PRDM16: variants seen among roughly 807,000 people sequenced by gnomAD.
The protein encoded by PRDM16 is histone-lysine N-methyltransferase PRDM16.
Under a neutral mutation model 110.6 loss-of-function variants are expected in PRDM16, and 23 were observed. The observed-to-expected ratio is 0.21, with a 90% CI of 0.15 to 0.29. The LOEUF (loss-of-function observed/expected upper bound fraction) is 0.29, where lower values mean the gene tolerates loss of function less well. Ranked by LOEUF, PRDM16 falls within the 10% of genes least tolerant of loss-of-function variation. The probability of loss-of-function intolerance (pLI) is 1.00; values close to 1 mark genes in which losing one functional copy is unlikely to be tolerated. For missense variants in PRDM16, 1,615 were observed against 1,794.3 expected (o/e 0.90, Z 1.81); for synonymous variants, 799 against 781.8 (o/e 1.02, Z -0.37).
intron 3 of PRDM16, among the ~76,000 whole-genome samples, chr1:3,368,772 G>A (rs1276514480): frequency 6.6e-6 from 1 of 152,130 alleles, no homozygotes; most frequent in Non-Finnish European, 1.5e-5. Flanking sequence ...AGTCATCTCT[G>A]CAGCTCCCTC....
At position 3,246,408 on chromosome 1, in the gene PRDM16, G is replaced by A. The variant is rs563005214; in HGVS notation, c.438+2271G>A. On this transcript the variant is annotated intron_variant, in intron 3 of 16. Transcript: ENST00000270722. This position sits in a 1 kb window ranked among gnomAD's most constrained non-coding sequence, Gnocchi z 5.2. ...CATCCCACGGAATCAGAGCAGACCCGATGCACGAGACCCCCCACGGCACCG... is the reference window on the plus strand; with the variant it reads ...CATCCCACGGAATCAGAGCAGACCCAATGCACGAGACCCCCCACGGCACCG... Among the ~76,000 whole-genome samples the A allele has an allele frequency of 4.6e-5, 7 of 152,196 alleles. No individual in the cohort carries two copies. Among genetic ancestry groups the A allele is most frequent in the African/African-American group, 7.2e-5 (3 of 41,460 alleles).
At chr1:3,405,726 C>T in intron 8 of PRDM16, 78 bp downstream of exon 8, 2 of 1,409,664 alleles carry the variant, frequency 1.4e-6, no homozygotes, top group Non-Finnish European at 9.5e-7. Flanking sequence ...TGGGCCATCC[C>T]CCAAGGTCTC....
intron 3 of PRDM16, among the ~76,000 whole-genome samples, chr1:3,315,867 G>A (rs1168077744): frequency 6.6e-6 from 1 of 152,292 alleles, no homozygotes; most frequent in South Asian, 2.1e-4. Flanking sequence ...TGAGGGGCCC[G>A]GGATGAATGA....
intron 3 of PRDM16, among the ~76,000 whole-genome samples, chr1:3,299,068 T>A (rs2455142): frequency 2.6e-5 from 4 of 152,030 alleles, no homozygotes; most frequent in South Asian, 2.1e-4. Flanking sequence ...TTCTCTCCTC[T>A]CCCTCAAGAC....
intron 3 of PRDM16, among the ~76,000 whole-genome samples, chr1:3,295,807 G>A (rs1641077411): frequency 6.6e-6 from 1 of 152,154 alleles, no homozygotes. Context: ...TGAGGGGAGA[G>A]TAAATAACCC....
chr1:3,126,435 GCCTGGCTA>G, intron 1 of PRDM16, among the ~76,000 whole-genome samples: 1 of 152,334 alleles, frequency 6.6e-6, no homozygotes, highest in East Asian at 1.9e-4. Flanking sequence ...GAAGGGACAG[GCCTGGCTA>G]CCTGCAGGCA....
In PRDM16 at chr1:3,433,888, G is replaced by C; in HGVS notation, c.*77G>C. 2 of 1,510,744 alleles carry C rather than the reference G, an allele frequency of 1.3e-6. No individual in the cohort carries two copies. The highest frequency in any genetic ancestry group is 1.2e-5 in the South Asian group (1 of 83,996). 93.6% of individuals were successfully genotyped at this position (1,510,744 alleles called of 1,614,324 possible). ...GGACGGAGGCGGGCGGGGCCCCGGA[G>C]AACCCTGTCCCTGCGTGTGGCCACT... is the stretch of plus-strand genomic sequence containing the variant. On this transcript the variant is annotated 3_prime_UTR_variant, in exon 17 of 17. Coordinates refer to ENST00000270722, the MANE Select transcript of PRDM16 (RefSeq NM_022114.4).
intron 2 of PRDM16, among the ~76,000 whole-genome samples, chr1:3,241,539 C>T (rs1639674732): frequency 6.6e-6 from 1 of 152,224 alleles, no homozygotes; most frequent in Non-Finnish European, 1.5e-5. Context: ...TCGCATGTAA[C>T]GCCTTCAACT....
intron 3 of PRDM16, among the ~76,000 whole-genome samples, chr1:3,351,746 C>G (rs1395885224): frequency 8.4e-6 from 1 of 118,976 alleles, no homozygotes; most frequent in African/African-American, 3.3e-5. Flanking sequence ...CTCTCCCTCT[C>G]TCCCCCCCCT....
intron 1 of PRDM16, among the ~76,000 whole-genome samples, chr1:3,122,677 C>A (rs572771360): frequency 2.2e-4 from 33 of 152,256 alleles, no homozygotes; most frequent in African/African-American, 7.5e-4. Flanking sequence ...GACATTCCCC[C>A]CCTCCGTGCT....
chr1:3,145,972 G>A (rs1000082954), intron 1 of PRDM16, among the ~76,000 whole-genome samples: 3 of 152,188 alleles, frequency 2.0e-5, no homozygotes, highest in African/African-American at 2.4e-5. Flanking sequence ...TGTGAGCAGC[G>A]CCTCGGGACT....
intron 2 of PRDM16, among the ~76,000 whole-genome samples, chr1:3,186,801 G>A (rs764069411): frequency 6.6e-6 from 1 of 152,210 alleles, no homozygotes; most frequent in African/African-American, 2.4e-5. Context: ...AGGGCAGGGA[G>A]ATTAATAGGA....
intron 6 of PRDM16, among the ~76,000 whole-genome samples, chr1:3,403,771 T>A (rs1643513525): frequency 6.6e-6 from 1 of 152,044 alleles, no homozygotes. Context: ...CCTGGGCCCC[T>A]CCTCCTGCCT....
At chr1:3,354,951 A>C (rs531392392) in intron 3 of PRDM16, among the ~76,000 whole-genome samples, 2 of 152,298 alleles carry the variant, frequency 1.3e-5, no homozygotes, top group Non-Finnish European at 2.9e-5. Context: ...GAGTGGGGTC[A>C]GTCATTCCAG....
intron 3 of PRDM16, among the ~76,000 whole-genome samples, chr1:3,278,986 G>A (rs79447820): frequency 3.3e-5 from 5 of 152,216 alleles, no homozygotes; most frequent in African/African-American, 9.6e-5. Flanking sequence ...GGCGCTGGCC[G>A]TGTGCTCCGT....
At chr1:3,238,739 T>C (rs1639594779) in intron 2 of PRDM16, among the ~76,000 whole-genome samples, 1 of 152,112 alleles carries the variant, frequency 6.6e-6, no homozygotes, top group Non-Finnish European at 1.5e-5. Context: ...GGGGTTCAGG[T>C]GCAAGTCCCG....
chr1:3,324,479 G>A (rs1010847570), intron 3 of PRDM16, among the ~76,000 whole-genome samples: 9 of 152,294 alleles, frequency 5.9e-5, no homozygotes, highest in South Asian at 2.1e-4. Context: ...CAGCTCACTC[G>A]CTCATGCCCT....
At chr1:3,307,727 G>A (rs1477950308) in intron 3 of PRDM16, 1 of 152,150 alleles carries the variant, frequency 6.6e-6, no homozygotes, top group African/African-American at 2.4e-5. Context: ...AAAGCTCAAG[G>A]ATTTTACAGC....
intron 1 of PRDM16, among the ~76,000 whole-genome samples, chr1:3,152,421 C>T (rs1373465872): frequency 1.3e-5 from 2 of 152,062 alleles, no homozygotes; most frequent in African/African-American, 2.4e-5. Flanking sequence ...TCCATCCATC[C>T]ATCCATGGAG....
Sources: gnomAD v4.1 joint callset for allele counts (sites outside exome capture counted in the v4.1 genomes callset) on GRCh38, gnomAD v4.1.1 for gene constraint, Gnocchi (gnomAD v3.1) non-coding constraint, MANE v1.5 for transcripts, NCBI Gene and HGNC (gene_info 2026-07-23, HGNC 2026-07-21) for gene names.